Variants in MRM1 observed in about 807,000 individuals in gnomAD.
The protein encoded by MRM1 is mitochondrial rRNA methyltransferase 1.
MRM1 carries 24 observed loss-of-function variants against 25.0 expected under a neutral mutation model. That is an observed-to-expected ratio of 0.96 (90% confidence interval 0.69 to 1.35). The LOEUF (loss-of-function observed/expected upper bound fraction) is 1.35. Ranked by LOEUF, MRM1 falls within the 40% of genes most tolerant of loss-of-function variation. MRM1 has a pLI of 0.00. For synonymous variants in MRM1, 188 were observed against 199.2 expected, an observed-to-expected ratio of 0.94 and a Z score of 0.47; for missense variants, 431 against 464.1, an observed-to-expected ratio of 0.93 and a Z score of 0.65.
chr17:36,601,830 T>A lies in MRM1; in HGVS notation c.20T>A (p.Val7Asp). The A allele has an allele frequency of 1.3e-6, 2 of 1,576,904 alleles. No homozygotes were observed. MALLST[V>D]RGATWGRLVT... ...TGCGCCATGGCATTGCTCTCGACCGTCCGGGGCGCGACCTGGGGTCGCCTC... is the reference window on the plus strand; with the variant it reads ...TGCGCCATGGCATTGCTCTCGACCGACCGGGGCGCGACCTGGGGTCGCCTC... The change falls in exon 1 of 5, where the codon GTC becomes GAC. Residue 7 changes from valine to aspartate, a missense_variant. Coordinates refer to ENST00000614766, the MANE Select transcript of MRM1 (RefSeq NM_024864.5).
Position 36,603,089 on chromosome 17 carries a change from C to T in MRM1, c.636+443C>T, listed in dbSNP as rs1220536942. On this transcript the variant is annotated intron_variant, in intron 2 of 4. Transcript: ENST00000614766. ...AAACCTTGGAAACCCCTCTCCCATCCGTTTGTCTTCAGCTGTGCTTCCCTT... is the reference window on the plus strand; with the variant it reads ...AAACCTTGGAAACCCCTCTCCCATCTGTTTGTCTTCAGCTGTGCTTCCCTT... 6 of 985,266 alleles carry T rather than the reference C, an allele frequency of 6.1e-6. No homozygotes were observed. In the East Asian group the frequency reaches 6.8e-4, roughly 112 times the overall value. The allele number at this position is 985,266 out of a possible 1,614,324, so 61.0% of individuals were successfully genotyped here.
At position 36,608,479 on chromosome 17, in the gene MRM1, C is replaced by CCCCGCA; in HGVS notation, c.*65_*66insCCGCAC. Reference sequence around the variant, plus strand: ...ACGGCCGCACCTGCCTCCGCCGGCTCCAGTGTGCGGGGAGCCTCTGCCTGA... The same window carrying CCCCGCA: ...ACGGCCGCACCTGCCTCCGCCGGCTCCCCGCACAGTGTGCGGGGAGCCTCTGCCTGA... On this transcript the variant is annotated 3_prime_UTR_variant, in exon 5 of 5. Coordinates refer to ENST00000614766, the MANE Select transcript of MRM1 (RefSeq NM_024864.5). 1 of 1,330,076 alleles carries CCCCGCA rather than the reference C, an allele frequency of 7.5e-7. No individual in the cohort carries two copies. The highest frequency in any genetic ancestry group is 1.0e-6 in the Non-Finnish European group (1 of 1,002,000). The allele number at this position is 1,330,076 out of a possible 1,614,324, so 82.4% of individuals were successfully genotyped here.
chr17:36,614,631 T>A, the MRM1 span, among the ~76,000 whole-genome samples: 1 of 152,158 alleles, frequency 6.6e-6, no homozygotes, highest in Non-Finnish European at 1.5e-5. Context: ...CAGGTTCCCA[T>A]CCCACCCATC....
the MRM1 span, chr17:36,634,569 C>A: frequency 6.6e-6 from 1 of 152,178 alleles, no homozygotes; most frequent in Non-Finnish European, 1.5e-5. Context: ...CCTGTCTTGT[C>A]GTTTTAATGG....
At chr17:36,613,488 C>T (rs1157464442), downstream of MRM1, among the ~76,000 whole-genome samples, 1 of 152,206 alleles carries the variant, frequency 6.6e-6, no homozygotes, top group African/African-American at 2.4e-5. Context: ...TTCCCTGCAA[C>T]CTCTCCCCAC....
In MRM1 at chr17:36,607,717, A is replaced by C. The variant is rs770810698; in HGVS notation, c.684A>C (p.Pro228=). The C allele has an allele frequency of 4.6e-4, 745 of 1,613,936 alleles. 1 individual carries two copies. Among genetic ancestry groups the C allele is most frequent in the Non-Finnish European group, 5.9e-4 (702 of 1,179,992 alleles). ...GWLVAGTVGC[P]STEDPQSSEI... ...TCGTGGCCGGCACGGTGGGCTGCCC[A>C]AGCACAGAGGATCCCCAGTCCTCCG... Residue 228 remains proline (P), a synonymous_variant, in exon 3 of 5, where the codon CCA becomes CCC. Coordinates refer to ENST00000614766, the MANE Select transcript of MRM1 (RefSeq NM_024864.5).
chr17:36,604,473 C>G (rs2074909827), intron 2 of MRM1, among the ~76,000 whole-genome samples: 1 of 152,158 alleles, frequency 6.6e-6, no homozygotes, highest in Admixed American at 6.5e-5. Flanking sequence ...TTAGCATTTC[C>G]CAGATTTTAG....
the MRM1 span, among the ~76,000 whole-genome samples, chr17:36,617,968 G>T: frequency 3.9e-5 from 6 of 152,172 alleles, no homozygotes; most frequent in Admixed American, 1.3e-4. Flanking sequence ...GATAGCAGCC[G>T]CTGGTTATCG....
At chr17:36,609,701 C>T (rs1197979947), downstream of MRM1, among the ~76,000 whole-genome samples, 2 of 152,136 alleles carry the variant, frequency 1.3e-5, no homozygotes, top group African/African-American at 2.4e-5. Context: ...CTTGGGGGGG[C>T]GCTCCTTACC....
At chr17:36,625,701 A>T in the MRM1 span, among the ~76,000 whole-genome samples, 1 of 151,804 alleles carries the variant, frequency 6.6e-6, no homozygotes, top group Non-Finnish European at 1.5e-5. Flanking sequence ...ACCTCAAATG[A>T]TCTGCCTGCC....
chr17:36,633,781 G>A, the MRM1 span, among the ~76,000 whole-genome samples: 4 of 152,074 alleles, frequency 2.6e-5, no homozygotes, highest in Non-Finnish European at 4.4e-5. Flanking sequence ...GAAGAACATG[G>A]GCCGAAGGAG....
chr17:36,606,953 T>C (rs2074935462), intron 2 of MRM1, among the ~76,000 whole-genome samples: 1 of 149,882 alleles, frequency 6.7e-6, no homozygotes, highest in Non-Finnish European at 1.5e-5. Flanking sequence ...TCACTCTTGC[T>C]GCCCAGGCTG....
rs2074891249 is a variant in MRM1 at position 36,602,715 on chromosome 17, G to A, written c.636+69G>A. 3 of 1,567,252 alleles carry A rather than the reference G, an allele frequency of 1.9e-6. No homozygotes were observed. The highest frequency in any genetic ancestry group is 2.6e-6 in the Non-Finnish European group (3 of 1,138,742). On this transcript the variant is annotated intron_variant, in intron 2 of 4. Transcript: ENST00000614766. The surrounding 1 kb of genome is among the most constrained non-coding windows in gnomAD (Gnocchi z 4.1). ...CAGCCTCTTCAAGGGGACGAAGCTA[G>A]CCCCTGGCGAGGGAGAGAAAGGGGC...
chr17:36,619,298 G>C, the MRM1 span, among the ~76,000 whole-genome samples: 1 of 152,166 alleles, frequency 6.6e-6, no homozygotes. Context: ...CCATCGATGG[G>C]CACCTGGGTT....
the MRM1 span, among the ~76,000 whole-genome samples, chr17:36,620,055 T>C: frequency 2.6e-5 from 4 of 152,300 alleles, no homozygotes; most frequent in Admixed American, 2.0e-4. Flanking sequence ...TTTACTTTTT[T>C]GCTATTGAGT....
At chr17:36,606,525 G>A (rs1481812342) in intron 2 of MRM1, among the ~76,000 whole-genome samples, 1 of 150,830 alleles carries the variant, frequency 6.6e-6, no homozygotes, top group Non-Finnish European at 1.5e-5. Flanking sequence ...AGAGATCCTC[G>A]TGTCTCCTGA....
the MRM1 span, among the ~76,000 whole-genome samples, chr17:36,616,072 G>A: frequency 6.6e-6 from 1 of 152,074 alleles, no homozygotes; most frequent in African/African-American, 2.4e-5. Context: ...AGACACATAA[G>A]CCCCTCCCGC....
the MRM1 span, among the ~76,000 whole-genome samples, chr17:36,632,916 A>T: frequency 4.6e-5 from 7 of 152,208 alleles, no homozygotes; most frequent in Admixed American, 2.6e-4. Context: ...CTGGGCACAC[A>T]GCCGTAAAAT....
Position 36,602,029 on chromosome 17 carries a change from G to C in MRM1, c.219G>C (p.Leu73=). The C allele has an allele frequency of 6.2e-7, 1 of 1,610,846 alleles. No homozygotes were observed. The highest frequency in any genetic ancestry group is 1.1e-5 in the South Asian group (1 of 91,002). The change falls in exon 1 of 5, where the codon CTG becomes CTC. Residue 73 remains leucine (L), a synonymous_variant. Coordinates refer to ENST00000614766, the MANE Select transcript of MRM1 (RefSeq NM_024864.5). This position sits in a 1 kb window ranked among gnomAD's most constrained non-coding sequence, Gnocchi z 4.1. ...QAARRSVARL[L]LQAGKAGLQG... Reference sequence around the variant, plus strand: ...CCCGCCGCTCTGTGGCCCGGCTCCTGCTCCAGGCGGGTAAAGCTGGGCTGC... The same window carrying C: ...CCCGCCGCTCTGTGGCCCGGCTCCTCCTCCAGGCGGGTAAAGCTGGGCTGC...
Sources: gnomAD v4.1 joint callset for allele counts (sites outside exome capture counted in the v4.1 genomes callset) on GRCh38, gnomAD v4.1.1 for gene constraint, Gnocchi (gnomAD v3.1) non-coding constraint, MANE v1.5 for transcripts, NCBI Gene and HGNC (gene_info 2026-07-23, HGNC 2026-07-21) for gene names.